ZFHX3: variants seen among roughly 807,000 people sequenced by gnomAD.
ZFHX3 encodes the protein zinc finger homeobox 3.
A neutral mutation model predicts 279.1 loss-of-function variants in ZFHX3; 42 were observed. That is an observed-to-expected ratio of 0.15 (90% CI 0.12 to 0.19). The LOEUF is 0.19. ZFHX3 is among the 10% of genes least tolerant of loss of function. ZFHX3 has a pLI of 1.00. For missense variants in ZFHX3, 4,981 were observed against 4,754.0 expected (o/e 1.05, Z -1.40); for synonymous variants, 2,293 against 1,957.8 (o/e 1.17, Z -4.52).
At chr16:73,614,002 A>G (rs1242082682) in intron 2 of ZFHX3, among the ~76,000 whole-genome samples, 2 of 152,186 alleles carry the variant, frequency 1.3e-5, no homozygotes, top group Non-Finnish European at 2.9e-5. Flanking sequence ...AAGCAATACA[A>G]TGAATCCGAG....
chr16:73,322,405 G>A (rs978462955), intron 3 of ZFHX3, among the ~76,000 whole-genome samples: 7 of 152,122 alleles, frequency 4.6e-5, no homozygotes, highest in African/African-American at 1.2e-4. Flanking sequence ...ATGTCTTGAT[G>A]TATGGTCCCA....
intron 1 of ZFHX3, among the ~76,000 whole-genome samples, chr16:73,731,899 T>C (rs1199663506): frequency 6.6e-6 from 1 of 152,200 alleles, no homozygotes; most frequent in Non-Finnish European, 1.5e-5. Context: ...CAGCATATTC[T>C]GAATGGATAA....
chr16:73,403,209 GGTTT>G (rs1478487621), intron 3 of ZFHX3, among the ~76,000 whole-genome samples: 1 of 152,328 alleles, frequency 6.6e-6, no homozygotes, highest in East Asian at 1.9e-4. Context: ...TGCAGTAATT[GGTTT>G]GTTTGTGTGG....
chr16:73,848,273 T>A (rs889136200), intron 1 of ZFHX3, among the ~76,000 whole-genome samples: 12 of 152,002 alleles, frequency 7.9e-5, no homozygotes, highest in Admixed American at 2.6e-4. Context: ...CTTCCTAGAC[T>A]CTCTTAGGAG....
chr16:73,162,533 G>A (rs746571033), intron 5 of ZFHX3, among the ~76,000 whole-genome samples: 15 of 152,234 alleles, frequency 9.9e-5, no homozygotes, highest in Middle Eastern at 6.8e-3. Flanking sequence ...ATGATTCTAC[G>A]TGATGGTGAG....
intron 2 of ZFHX3, among the ~76,000 whole-genome samples, chr16:73,618,210 C>T (rs1597030706): frequency 1.3e-5 from 2 of 152,214 alleles, no homozygotes; most frequent in East Asian, 3.9e-4. Context: ...TCTGAGGATG[C>T]CAGACTGTAA....
chr16:73,419,515 G>GC (rs2143487002), intron 3 of ZFHX3, among the ~76,000 whole-genome samples: 1 of 152,124 alleles, frequency 6.6e-6, no homozygotes, highest in African/African-American at 2.4e-5. Flanking sequence ...GGCCCCTGCT[G>GC]CCCCACAGAA....
In ZFHX3 at chr16:72,787,990, C is replaced by T. The variant is rs776558848; in HGVS notation, c.10286G>A (p.Arg3429His). ...TTTCGGCAGGAGGGGGGACACCTCA[C>T]GGGGGGTGTTTTTCTGTTCTTCTGG... Reference protein sequence around the residue: ...PKPEEQKNTPREVSPLLPKLP... With the variant: ...PKPEEQKNTPHEVSPLLPKLP... Residue 3429 changes from arginine (R) to histidine (H), a missense_variant, in exon 10 of 10, where the codon CGT becomes CAT. Physicochemically the swap from Arg to His is conservative, Grantham distance 29. This residue lies in a region of ZFHX3 where 1,034 missense variants were observed against 786.0 expected (regional missense o/e 1.32). Transcript: ENST00000268489. 6.2e-6 allele frequency: 10 copies of T among 1,611,390 alleles called. No homozygotes were observed. The highest frequency in any genetic ancestry group is 2.2e-5 in the East Asian group (1 of 44,764).
At chr16:73,464,256 C>G (rs1047872720) in intron 2 of ZFHX3, among the ~76,000 whole-genome samples, 2 of 151,678 alleles carry the variant, frequency 1.3e-5, no homozygotes, top group African/African-American at 4.8e-5. Flanking sequence ...GCAGAGAGAG[C>G]GAAATGGACC....
At chr16:73,206,573 C>G (rs1368687023) in intron 5 of ZFHX3, among the ~76,000 whole-genome samples, 1 of 152,234 alleles carries the variant, frequency 6.6e-6, no homozygotes, top group African/African-American at 2.4e-5. Flanking sequence ...GAGATTCATA[C>G]TGGCATCTGT....
chr16:73,646,047 T>C lies in ZFHX3; in HGVS notation c.-1547+34133A>G, dbSNP rs567969624. Among the ~76,000 whole-genome samples, 6 of 152,300 alleles carry C rather than the reference T, an allele frequency of 3.9e-5. No homozygotes were observed. In the South Asian group the frequency reaches 1.2e-3, roughly 32 times the overall value. On this transcript the variant is annotated intron_variant, in intron 2 of 17. Transcript: ENST00000641206. Reference sequence around the variant, plus strand: ...GCCTTTTGGATGGGAAATTTTGAAATGTGTTTCAAAAGACTAAAAATGTGA... The same window carrying C: ...GCCTTTTGGATGGGAAATTTTGAAACGTGTTTCAAAAGACTAAAAATGTGA...
intron 4 of ZFHX3, among the ~76,000 whole-genome samples, chr16:73,271,164 G>T (rs916777329): frequency 2.0e-5 from 3 of 152,192 alleles, no homozygotes; most frequent in African/African-American, 7.2e-5. Flanking sequence ...TGAGCCACAT[G>T]GTTACAGTGT....
chr16:73,509,765 G>A (rs57629363), intron 2 of ZFHX3, among the ~76,000 whole-genome samples: 2 of 144,670 alleles, frequency 1.4e-5, no homozygotes, highest in African/African-American at 2.6e-5. Context: ...GCGTGATCTC[G>A]GCTCACTGCA....
At chr16:73,566,768 G>C (rs959188476) in intron 2 of ZFHX3, among the ~76,000 whole-genome samples, 1 of 150,074 alleles carries the variant, frequency 6.7e-6, no homozygotes, top group Non-Finnish European at 1.5e-5. Flanking sequence ...GCGCGATCTC[G>C]GCTCACTGCA....
At position 73,383,705 on chromosome 16, in the gene ZFHX3, C is replaced by A. The variant is rs989852014; in HGVS notation, c.-1290-65369G>T. ...GGGTGGGGGGTGGGCAGTGTTAGCT[C>A]CCCTCCAACTCTGCCCCTCACAGCT... On this transcript the variant is annotated intron_variant, in intron 3 of 17. Coordinates refer to the ZFHX3 transcript ENST00000641206. 2.0e-5 allele frequency among the ~76,000 whole-genome samples: 3 copies of A among 152,098 alleles called. No individual in the cohort carries two copies. In the East Asian group the frequency reaches 5.8e-4, roughly 30 times the overall value.
intron 2 of ZFHX3, among the ~76,000 whole-genome samples, chr16:73,638,779 C>CA (rs1325092204): frequency 6.6e-6 from 1 of 152,114 alleles, no homozygotes; most frequent in Non-Finnish European, 1.5e-5. Flanking sequence ...AAAAGGTATT[C>CA]AACAAATGTT....
chr16:73,738,216 C>G (rs1324135519), intron 1 of ZFHX3, among the ~76,000 whole-genome samples: 1 of 152,198 alleles, frequency 6.6e-6, no homozygotes, highest in African/African-American at 2.4e-5. Context: ...TTTGCTTTGT[C>G]TAGATGCTGT....
intron 1 of ZFHX3, among the ~76,000 whole-genome samples, chr16:73,803,598 C>T (rs185442423): frequency 6.6e-6 from 1 of 152,178 alleles, no homozygotes; most frequent in Non-Finnish European, 1.5e-5. Flanking sequence ...TTATTTAATT[C>T]TTGAATGTTA....
chr16:73,833,310 C>T (rs905232113), intron 1 of ZFHX3, among the ~76,000 whole-genome samples: 1 of 152,052 alleles, frequency 6.6e-6, no homozygotes, highest in Non-Finnish European at 1.5e-5. Context: ...CTGCAGTGAG[C>T]CATGATCATA....
Sources: allele counts gnomAD v4.1 joint callset (sites outside exome capture counted in the v4.1 genomes callset), GRCh38; gene constraint gnomAD v4.1.1; regional missense constraint gnomAD v4.1.1; transcripts MANE v1.5; gene names NCBI Gene and HGNC (gene_info 2026-07-23, HGNC 2026-07-21).